The following DPYS variants were observed in gnomAD, a reference collection of about 807,000 sequenced individuals.
The protein encoded by DPYS is dihydropyrimidinase.
A neutral mutation model predicts 50.3 loss-of-function variants in DPYS; 39 were observed. The observed-to-expected ratio is 0.78, with a 90% CI of 0.60 to 1.01. DPYS has a LOEUF of 1.01. Ranked by LOEUF, DPYS falls within the 50% of genes least tolerant of loss-of-function variation. The pLI, the probability that DPYS is intolerant of heterozygous loss-of-function variation, is 0.00. For missense variants in DPYS, 659 were observed against 680.9 expected (o/e 0.97, Z 0.36); for synonymous variants, 245 against 250.7 (o/e 0.98, Z 0.22).
chr8:104,418,302 A>T (rs1323809910), intron 7 of DPYS, among the ~76,000 whole-genome samples: 1 of 152,192 alleles, frequency 6.6e-6, no homozygotes, highest in Non-Finnish European at 1.5e-5. Flanking sequence ...AAAACTGTTT[A>T]AGGAAATTTT....
Position 104,435,394 on chromosome 8 carries a change from G to A in DPYS, c.794-5693C>T, listed in dbSNP as rs149503301. The stretch of plus-strand genomic sequence containing the variant: ...GGATAACGCTTTAGGGAGAAATGCC[G>A]GATTCCCTTGCCTCATCTCTGCAAA... On this transcript the variant is annotated intron_variant, in intron 4 of 9. Coordinates refer to ENST00000351513, the MANE Select transcript of DPYS (RefSeq NM_001385.3). 6.9e-4 allele frequency among the ~76,000 whole-genome samples: 105 copies of A among 152,104 alleles called. 1 individual carries two copies. Among genetic ancestry groups the A allele is most frequent in the East Asian group, 4.7e-3 (24 of 5,118 alleles).
At chr8:104,449,254 A>T (rs374705820) in intron 2 of DPYS, among the ~76,000 whole-genome samples, 8 of 152,234 alleles carry the variant, frequency 5.3e-5, no homozygotes, top group African/African-American at 1.9e-4. Flanking sequence ...AAACATTGTT[A>T]GCATATTCAC....
At chr8:104,398,741 C>T (rs948720526) in intron 7 of DPYS, among the ~76,000 whole-genome samples, 1 of 152,162 alleles carries the variant, frequency 6.6e-6, no homozygotes, top group Non-Finnish European at 1.5e-5. Flanking sequence ...ATCTTAACAC[C>T]CATCTAGGGC....
At chr8:104,426,154 G>T (rs1162269402) in intron 6 of DPYS, among the ~76,000 whole-genome samples, 1 of 152,156 alleles carries the variant, frequency 6.6e-6, no homozygotes, top group Admixed American at 6.5e-5. Context: ...ATCAGCAGAA[G>T]ATGAGGCTAT....
chr8:104,466,525 G>T (rs773899589), intron 1 of DPYS, 132 bp downstream of exon 1: 3 of 1,071,900 alleles, frequency 2.8e-6, no homozygotes, highest in African/African-American at 1.7e-5. Context: ...CCGGGGCTGC[G>T]CTCCTTCCCG....
chr8:104,397,328 G>A (rs1811627119), intron 7 of DPYS, among the ~76,000 whole-genome samples: 1 of 152,220 alleles, frequency 6.6e-6, no homozygotes, highest in Admixed American at 6.5e-5. Flanking sequence ...CTTTAAGACA[G>A]AGACTAGGTT....
chr8:104,422,939 AT>A (rs955408664), intron 7 of DPYS, among the ~76,000 whole-genome samples: 20 of 152,086 alleles, frequency 1.3e-4, no homozygotes, highest in Admixed American at 7.2e-4. Flanking sequence ...AATCCAAGCA[AT>A]TTTTTTTCCA....
chr8:104,436,910 T>C (rs111794911), intron 4 of DPYS, among the ~76,000 whole-genome samples: 13 of 151,920 alleles, frequency 8.6e-5, no homozygotes, highest in African/African-American at 2.9e-4. Flanking sequence ...AAGAAAAACA[T>C]TAAAAAGAAT....
intron 4 of DPYS, among the ~76,000 whole-genome samples, chr8:104,438,120 A>G (rs1813212559): frequency 6.6e-6 from 1 of 152,194 alleles, no homozygotes; most frequent in African/African-American, 2.4e-5. Context: ...AATTCAAGAA[A>G]AAGGGAGATA....
At chr8:104,404,075 T>A (rs527503381) in intron 7 of DPYS, among the ~76,000 whole-genome samples, 1 of 152,348 alleles carries the variant, frequency 6.6e-6, no homozygotes, top group East Asian at 1.9e-4. Flanking sequence ...CTCTTTGCTC[T>A]GAGCTAGGCA....
chr8:104,430,056 T>A (rs1812899444), intron 4 of DPYS, among the ~76,000 whole-genome samples: 1 of 152,168 alleles, frequency 6.6e-6, no homozygotes, highest in Non-Finnish European at 1.5e-5. Context: ...AATAAAGCTA[T>A]GGAGTAATAA....
intron 7 of DPYS, chr8:104,418,608 G>C (rs1024491497): frequency 6.6e-6 from 1 of 152,256 alleles, no homozygotes; most frequent in African/African-American, 2.4e-5. Context: ...TCTCTCTGTA[G>C]TGCAATCCCC....
chr8:104,451,476 T>C (rs935473809), intron 1 of DPYS, 72 bp from the exon 2 acceptor site: 37 of 1,598,016 alleles, frequency 2.3e-5, no homozygotes, highest in Non-Finnish European at 2.7e-5. Context: ...TCTTGAACAA[T>C]GTGCATTTGT....
rs763589537 is a variant in DPYS at position 104,381,200 on chromosome 8, A to G, written c.1558T>C (p.Ter520ArgextTer6). The stretch of plus-strand genomic sequence containing the variant: ...GTCCCTTACCGATGGCACACACTTC[A>G]GGGGTGGGCCTGTTTCCTGGTCCCT... ...TAGTRKQAHP[*>R] Residue 520 changes from the stop codon to arginine (R), a stop_lost, in exon 9 of 10, where the codon TGA becomes CGA. Transcript: ENST00000351513. 2 of 1,613,880 alleles carry G rather than the reference A, an allele frequency of 1.2e-6. No homozygotes were observed. Among genetic ancestry groups the G allele is most frequent in the Non-Finnish European group, 1.7e-6 (2 of 1,179,910 alleles).
At chr8:104,397,099 A>C (rs1476429000) in intron 7 of DPYS, among the ~76,000 whole-genome samples, 3 of 152,132 alleles carry the variant, frequency 2.0e-5, no homozygotes, top group Non-Finnish European at 2.9e-5. Flanking sequence ...AGGAGCTTTC[A>C]CACTTCTGAA....
chr8:104,405,775 C>T (rs1291932942), intron 7 of DPYS, among the ~76,000 whole-genome samples: 1 of 152,190 alleles, frequency 6.6e-6, no homozygotes, highest in Non-Finnish European at 1.5e-5. Flanking sequence ...AACTGCAGAC[C>T]TCGAAACTGA....
intron 7 of DPYS, chr8:104,418,945 G>A (rs1427292541): frequency 4.5e-5 from 42 of 941,134 alleles, no homozygotes; most frequent in Non-Finnish European, 5.1e-5. Context: ...GCTTGCCGAG[G>A]TGCTCCTGTG....
At chr8:104,423,889 T>C (rs1326898753) in intron 7 of DPYS, 1 of 773,288 alleles carries the variant, frequency 1.3e-6, no homozygotes, top group African/African-American at 1.9e-5. Context: ...TGTAATTATT[T>C]TGAGTTTTCA....
intron 8 of DPYS, 95 bp from the exon 9 acceptor site, chr8:104,381,409 A>C: frequency 8.6e-7 from 1 of 1,163,912 alleles, no homozygotes. Context: ...GCTTTAAAAA[A>C]AGAATCTTAT....
Sources: gnomAD v4.1 joint callset for allele counts (sites outside exome capture counted in the v4.1 genomes callset) on GRCh38, gnomAD v4.1.1 for gene constraint, MANE v1.5 for transcripts, NCBI Gene and HGNC (gene_info 2026-07-23, HGNC 2026-07-21) for gene names.